The following GALC variants were observed in gnomAD, a reference collection of about 807,000 sequenced individuals.
The protein encoded by GALC is galactosylceramidase, also known as galactocerebrosidase.
In GALC, 77 loss-of-function variants were observed where a neutral mutation model predicts 91.8. The observed-to-expected ratio is 0.84, with a 90% confidence interval of 0.70 to 1.01. The LOEUF (loss-of-function observed/expected upper bound fraction) is 1.01. Among genes scored for constraint, GALC ranks in the 50% least tolerant of loss-of-function variants. GALC has a pLI of 0.00. For synonymous variants in GALC, 357 were observed against 306.7 expected (o/e 1.16, Z -1.71); for missense variants, 882 against 855.9 (o/e 1.03, Z -0.38).
intron 5 of GALC, among the ~76,000 whole-genome samples, chr14:87,984,001 C>T (rs1886858687): frequency 6.6e-6 from 1 of 152,110 alleles, no homozygotes; most frequent in Admixed American, 6.5e-5. Context: ...AAAAAGTTTG[C>T]CAATCTTTGG....
intron 5 of GALC, among the ~76,000 whole-genome samples, chr14:87,983,111 G>GGGC (rs1886815174): frequency 6.6e-6 from 1 of 152,042 alleles, no homozygotes; most frequent in African/African-American, 2.4e-5. Context: ...AGGCCGAGGC[G>GGGC]GGCGGATCAC....
intron 5 of GALC, among the ~76,000 whole-genome samples, chr14:87,983,498 C>T (rs1177889351): frequency 6.6e-6 from 1 of 152,180 alleles, no homozygotes; most frequent in African/African-American, 2.4e-5. Flanking sequence ...TCTTACTGAA[C>T]ACAAGAGCTT....
At chr14:87,980,505 C>T in intron 6 of GALC, 1 of 982,398 alleles carries the variant, frequency 1.0e-6, no homozygotes, top group Non-Finnish European at 1.2e-6. Context: ...ATCCCTTTAC[C>T]TCTCAATCTT....
chr14:87,950,097 C>T lies in GALC; in HGVS notation c.1252-166G>A, dbSNP rs451073. Among the ~76,000 whole-genome samples, 145,857 of 152,056 alleles carry T rather than the reference C, an allele frequency of 0.96. 70,251 individuals are homozygous for T. The highest frequency in any genetic ancestry group is 1 in the East Asian group (5,156 of 5,156). The stretch of plus-strand genomic sequence containing the variant: ...TAATATTTTTAAAAATAGGAAAACA[C>T]TGTTCAAGCAAATACTTTATTCTCT... On this transcript the variant is annotated intron_variant, in intron 11 of 16. Coordinates refer to ENST00000261304, the MANE Select transcript of GALC (RefSeq NM_000153.4).
At chr14:87,991,414 G>A (rs1001349856) in intron 1 of GALC, among the ~76,000 whole-genome samples, 2 of 152,170 alleles carry the variant, frequency 1.3e-5, no homozygotes, top group African/African-American at 4.8e-5. Flanking sequence ...GTGTTAGCCA[G>A]GATAGTCTTG....
intron 14 of GALC, among the ~76,000 whole-genome samples, chr14:87,942,459 A>G (rs1196039819): frequency 6.6e-6 from 1 of 151,992 alleles, no homozygotes; most frequent in Non-Finnish European, 1.5e-5. Context: ...GCTACCAGGT[A>G]CAACACTTTC....
At chr14:87,985,560 T>A (rs1886933616) in intron 4 of GALC, among the ~76,000 whole-genome samples, 1 of 152,216 alleles carries the variant, frequency 6.6e-6, no homozygotes, top group Non-Finnish European at 1.5e-5. Context: ...TTCTGGAATC[T>A]CTTACAAAAG....
intron 10 of GALC, among the ~76,000 whole-genome samples, chr14:87,955,718 G>GAGCTTTGGCC (rs1885506322): frequency 6.6e-6 from 1 of 152,102 alleles, no homozygotes. Context: ...AAGGAAATGA[G>GAGCTTTGGCC]ATCATGTTTC....
At chr14:87,963,350 G>A (rs1464168699) in intron 10 of GALC, 34 bp downstream of exon 10, 5 of 1,602,724 alleles carry the variant, frequency 3.1e-6, no homozygotes, top group East Asian at 4.5e-5. Context: ...TAGTAAAGAA[G>A]TGAGTTAATC....
rs1057516816 is a variant in GALC at position 87,993,036 on chromosome 14, G to C, written c.129C>G (p.Tyr43Ter). The C allele has an allele frequency of 2.6e-6, 4 of 1,555,196 alleles. No individual in the cohort carries two copies. Among genetic ancestry groups the C allele is most frequent in the East Asian group, 4.9e-5 (2 of 41,204 alleles). The stretch of plus-strand genomic sequence containing the variant: ...CCAGCCCGTCGGAGTCGTCGAGCAC[G>C]TACGCGCCGCCGGGCGCCAGCAGCG... ...LCALLAPGGAYVLDDSDGLGR... is the reference protein window; with the variant it reads ...LCALLAPGGA The change falls in exon 1 of 17, where the codon TAC becomes TAG. Residue 43 changes from tyrosine to a stop codon, truncating the protein, a stop_gained. Coordinates refer to ENST00000261304, the MANE Select transcript of GALC (RefSeq NM_000153.4). LOFTEE classifies it high-confidence loss of function.
rs1329161897 is a variant in GALC, at chr14:87,939,951, A to T, written c.1865T>A (p.Val622Asp). The change falls in exon 16 of 17, where the codon GTT becomes GAT. Residue 622 changes from valine to aspartate, a missense_variant. Physicochemically the swap from Val to Asp is radical, Grantham distance 152. Coordinates refer to ENST00000261304, the MANE Select transcript of GALC (RefSeq NM_000153.4). The part of the protein sequence containing the change: ...AGWIIYALGR[V>D]EVTAKKWYTL... ...ATACCATTTTTTTGCTGTAACTTCA[A>T]CACGTCCTAAAGCATATATAATCCA... The T allele has an allele frequency of 2.5e-6, 4 of 1,610,870 alleles. No homozygotes were observed. Among genetic ancestry groups the T allele is most frequent in the Non-Finnish European group, 3.4e-6 (4 of 1,177,626 alleles).
At chr14:87,978,928 C>A (rs1886625700) in intron 6 of GALC, among the ~76,000 whole-genome samples, 1 of 151,872 alleles carries the variant, frequency 6.6e-6, no homozygotes, top group Non-Finnish European at 1.5e-5. Context: ...AATCCTTATT[C>A]TTTCCAGGGG....
intron 10 of GALC, chr14:87,953,011 C>A: frequency 9.0e-7 from 1 of 1,109,164 alleles, no homozygotes; most frequent in Non-Finnish European, 1.4e-6. Context: ...AAATGTGCAG[C>A]TATGTTGGAT....
chr14:87,993,631 C>T (rs1887340608), upstream of GALC: 2 of 652,458 alleles, frequency 3.1e-6, no homozygotes, highest in Non-Finnish European at 2.6e-6. Context: ...AGAAGAGCAG[C>T]AGAGTGAGGG....
chr14:87,953,391 T>C, intron 10 of GALC: 2 of 1,439,214 alleles, frequency 1.4e-6, no homozygotes, highest in East Asian at 2.3e-5. Flanking sequence ...CAGAAGCATA[T>C]GAAAGTGGAC....
At chr14:87,958,457 G>T (rs1361317110) in intron 10 of GALC, among the ~76,000 whole-genome samples, 1 of 152,024 alleles carries the variant, frequency 6.6e-6, no homozygotes, top group Non-Finnish European at 1.5e-5. Context: ...GTATCAAAAT[G>T]CCAAGGACAT....
rs1884432207 is a variant in GALC at position 87,933,181 on chromosome 14, C to G, written c.*1551G>C. On this transcript the variant is annotated 3_prime_UTR_variant, in exon 17 of 17. Transcript: ENST00000261304. ...ATTATGCTGATGGAAAGAAACCATT[C>G]ATAAGAATACACAGTACATGACGCC... The G allele has an allele frequency of 6.6e-6, 1 of 152,310 alleles. No homozygotes were observed. Among genetic ancestry groups the G allele is most frequent in the East Asian group, 1.9e-4 (1 of 5,178 alleles). The allele number at this position is 152,310 out of a possible 1,614,324, so 9.4% of individuals were successfully genotyped here. A position where few individuals can be genotyped will look rare whatever the true frequency, so the allele number is the denominator to read the frequency against.
intron 14 of GALC, among the ~76,000 whole-genome samples, chr14:87,943,822 G>C (rs1484286513): frequency 2.0e-5 from 3 of 146,516 alleles, no homozygotes; most frequent in Non-Finnish European, 1.5e-5. Flanking sequence ...AGATCTGGCT[G>C]CCTCAAATAG....
Position 87,993,152 on chromosome 14 carries a change from G to C in GALC, c.13C>G (p.Leu5Val). The C allele has an allele frequency of 6.3e-7, 1 of 1,590,890 alleles. No individual in the cohort carries two copies. Among genetic ancestry groups the C allele is most frequent in the Non-Finnish European group, 8.6e-7 (1 of 1,169,110 alleles). Residue 5 changes from leucine to valine, a missense_variant, in exon 1 of 17, where the codon CTA (leucine) becomes GTA (valine). Leu to Val is a conservative substitution (Grantham distance 32, BLOSUM62 1). Transcript: ENST00000261304. Reference sequence around the variant, plus strand: ...CGGCGTTGCCAGGAAGCCGAGAGTAGCCACTCAGCCATTGTGTGGGTCACA... The same window carrying C: ...CGGCGTTGCCAGGAAGCCGAGAGTACCCACTCAGCCATTGTGTGGGTCACA... MAEW[L>V]LSASWQRRAK...
Sources: allele counts gnomAD v4.1 joint callset (sites outside exome capture counted in the v4.1 genomes callset), GRCh38; gene constraint gnomAD v4.1.1; transcripts MANE v1.5; gene names NCBI Gene and HGNC (gene_info 2026-07-23, HGNC 2026-07-21).